TPM3: variants seen among roughly 807,000 people sequenced by gnomAD.
TPM3 encodes the protein tropomyosin 3, also known as tropomyosin alpha-3 chain.
A neutral mutation model predicts 43.1 loss-of-function variants in TPM3; 16 were observed. That is an observed-to-expected ratio of 0.37 (90% CI 0.25 to 0.56). The LOEUF (loss-of-function observed/expected upper bound fraction) is 0.56. Ranked by LOEUF, TPM3 falls within the 20% of genes least tolerant of loss-of-function variation. The pLI is 0.77. For synonymous variants in TPM3, 101 were observed against 116.9 expected, an observed-to-expected ratio of 0.86 and a Z score of 0.88; for missense variants, 176 against 337.2, an observed-to-expected ratio of 0.52 and a Z score of 3.74.
In TPM3 at chr1:154,163,926, C is replaced by T. The variant is rs1660672124; in HGVS notation, c.*4011G>A. Among the ~76,000 whole-genome samples, 1 of 152,128 alleles carries T rather than the reference C, an allele frequency of 6.6e-6. No homozygotes were observed. The highest frequency in any genetic ancestry group is 6.5e-5 in the Admixed American group (1 of 15,274). On this transcript the variant is annotated 3_prime_UTR_variant, in exon 10 of 10. Transcript: ENST00000651641. The stretch of plus-strand genomic sequence containing the variant: ...GGGATTACAGGCGTGAGCCACCGTG[C>T]CTGGCCTCTTTTTTTTGTATTTGCA...
chr1:154,189,798 CAAAAAAAAAAAAAA>C (rs1167349462), intron 2 of TPM3, among the ~76,000 whole-genome samples: 1 of 43,840 alleles, frequency 2.3e-5, no homozygotes, highest in African/African-American at 7.1e-5. Flanking sequence ...AACCCTGTCT[CAAAAAAAAAAAAAA>C]AAAAAAAAGG....
intron 5 of TPM3, chr1:154,172,252 A>T: frequency 1.2e-6 from 1 of 815,884 alleles, no homozygotes; most frequent in Admixed American, 1.8e-5. Context: ...ATGATATGTT[A>T]TGTCTGGCAG....
intron 2 of TPM3, among the ~76,000 whole-genome samples, chr1:154,186,616 C>T (rs1025212994): frequency 4.6e-5 from 7 of 151,638 alleles, no homozygotes; most frequent in Non-Finnish European, 1.0e-4. Flanking sequence ...TCCTCTTTCC[C>T]TTTGTTTCTC....
chr1:154,188,783 T>G (rs1378153402), intron 2 of TPM3, among the ~76,000 whole-genome samples: 1 of 151,118 alleles, frequency 6.6e-6, no homozygotes, highest in Non-Finnish European at 1.5e-5. Flanking sequence ...TATATTCAAT[T>G]CTTACCACTT....
chr1:154,173,026 T>C lies in TPM3; in HGVS notation c.496-48A>G, dbSNP rs148485793. 33 of 1,613,072 alleles carry C rather than the reference T, an allele frequency of 2.0e-5. No homozygotes were observed. The African/African-American group carries it at 3.7e-4, about 18-fold the overall frequency. ...AGCTTAGTGAAGCAAAGGAGCCATTTACCGCATTATGCTTTGTAAAAGGCC... is the reference window on the plus strand; with the variant it reads ...AGCTTAGTGAAGCAAAGGAGCCATTCACCGCATTATGCTTTGTAAAAGGCC... On this transcript the variant is annotated intron_variant, in intron 4 of 9. Coordinates refer to ENST00000651641, the MANE Select transcript of TPM3 (RefSeq NM_152263.4).
At chr1:154,175,127 C>T (rs1250059057) in intron 3 of TPM3, among the ~76,000 whole-genome samples, 1 of 151,972 alleles carries the variant, frequency 6.6e-6, no homozygotes, top group African/African-American at 2.4e-5. Flanking sequence ...GGCAGGAGAT[C>T]AAGACCATCC....
At chr1:154,178,924 T>G (rs1173528370) in intron 2 of TPM3, among the ~76,000 whole-genome samples, 1 of 152,180 alleles carries the variant, frequency 6.6e-6, no homozygotes, top group East Asian at 1.9e-4. Context: ...ACCAGATGGC[T>G]GACAACACCT....
chr1:154,157,835 C>T (rs902508978), downstream of TPM3: 2 of 750,240 alleles, frequency 2.7e-6, no homozygotes, highest in African/African-American at 3.4e-5. Context: ...AAGCAGCTGC[C>T]TTCTCAGCCA....
In TPM3 at chr1:154,171,965, A is replaced by AAAAACAAAAC; in HGVS notation, c.567-487_567-478dup. 3 of 1,587,786 alleles carry AAAAACAAAAC rather than the reference A, an allele frequency of 1.9e-6. No individual in the cohort carries two copies. In the South Asian group the frequency reaches 3.3e-5, roughly 18 times the overall value. Reference sequence around the variant, plus strand: ...AGTGGAGGGGAGGCAGCTGCAAAACAAAAACAAAACAAAACAAAACCACAC... The same window carrying AAAAACAAAAC: ...AGTGGAGGGGAGGCAGCTGCAAAACAAAAACAAAACAAAACAAAACAAAACAAAACCACAC... On this transcript the variant is annotated intron_variant, in intron 5 of 9. Coordinates refer to ENST00000651641, the MANE Select transcript of TPM3 (RefSeq NM_152263.4).
intron 5 of TPM3, chr1:154,172,344 A>G (rs781326357): frequency 7.0e-5 from 48 of 681,504 alleles, no homozygotes; most frequent in Non-Finnish European, 1.2e-4. Flanking sequence ...TACCGACGGG[A>G]GAGCAGTTAA....
intron 3 of TPM3, 78 bp from the exon 4 acceptor site, chr1:154,173,279 G>T: frequency 8.0e-7 from 1 of 1,254,304 alleles, no homozygotes. Flanking sequence ...TCTCAGAACT[G>T]TACTTTTAAA....
chr1:154,176,561 A>T (rs1662336481), intron 2 of TPM3, among the ~76,000 whole-genome samples: 1 of 152,000 alleles, frequency 6.6e-6, no homozygotes, highest in African/African-American at 2.4e-5. Context: ...CTGGAGTCAG[A>T]AAAGAAAGTC....
chr1:154,159,233 G>A (rs1660113990), downstream of TPM3, among the ~76,000 whole-genome samples: 1 of 152,192 alleles, frequency 6.6e-6, no homozygotes, highest in South Asian at 2.1e-4. Flanking sequence ...AGGGCAATAA[G>A]AGTCAGTCAG....
intron 2 of TPM3, among the ~76,000 whole-genome samples, chr1:154,179,289 G>A (rs1318854748): frequency 6.6e-6 from 1 of 152,206 alleles, no homozygotes; most frequent in Non-Finnish European, 1.5e-5. Flanking sequence ...AGTAAACAAA[G>A]GCGGAGCCTA....
At chr1:154,182,693 C>T (rs1663094796) in intron 2 of TPM3, among the ~76,000 whole-genome samples, 1 of 152,076 alleles carries the variant, frequency 6.6e-6, no homozygotes, top group Non-Finnish European at 1.5e-5. Flanking sequence ...CGGCCGCGCC[C>T]GGATCGGAGG....
At chr1:154,172,744 AGCCTAAAACCATTCTTGG>A in intron 5 of TPM3, 146 bp downstream of exon 5, 1 of 835,790 alleles carries the variant, frequency 1.2e-6, no homozygotes, top group African/African-American at 1.7e-5. Context: ...AGAATAAGGA[AGCCTAAAACCATTCTTGG>A]GCCTAAAAAA....
intron 2 of TPM3, among the ~76,000 whole-genome samples, chr1:154,185,839 C>T (rs1663392330): frequency 6.6e-6 from 1 of 151,484 alleles, no homozygotes; most frequent in African/African-American, 2.5e-5. Flanking sequence ...TGTATTCCTC[C>T]CACCTTCCCA....
chr1:154,183,321 G>C (rs1291424778), intron 2 of TPM3: 13 of 1,470,956 alleles, frequency 8.8e-6, no homozygotes, highest in Non-Finnish European at 1.2e-5. Flanking sequence ...CCGCGGCAGG[G>C]AGTGGATCCT....
intron 3 of TPM3, among the ~76,000 whole-genome samples, chr1:154,175,464 C>A (rs1194613782): frequency 6.6e-6 from 1 of 152,110 alleles, no homozygotes; most frequent in Admixed American, 6.5e-5. Context: ...TGATTTCCCC[C>A]CTCACCCCTA....
Sources: gnomAD v4.1 joint callset for allele counts (sites outside exome capture counted in the v4.1 genomes callset) on GRCh38, gnomAD v4.1.1 for gene constraint, MANE v1.5 for transcripts, NCBI Gene and HGNC (gene_info 2026-07-23, HGNC 2026-07-21) for gene names.